Variants in SETX observed in about 807,000 individuals in gnomAD.
SETX encodes the protein senataxin, also known as helicase senataxin.
Under a neutral mutation model 227.2 loss-of-function variants are expected in SETX, and 90 were observed. That is an observed-to-expected ratio of 0.40 (90% confidence interval 0.33 to 0.47). The LOEUF (loss-of-function observed/expected upper bound fraction) is 0.47. Among genes scored for constraint, SETX ranks in the 20% least tolerant of loss-of-function variants. SETX has a pLI of 0.91. For synonymous variants in SETX, 1,210 were observed against 1,113.2 expected (o/e 1.09, Z -1.73); for missense variants, 3,052 against 3,181.5 (o/e 0.96, Z 0.98).
chr9:132,265,011 A>G (rs776044995), intron 25 of SETX, 26 bp from the exon 26 acceptor site: 2 of 1,610,040 alleles, frequency 1.2e-6, no homozygotes, highest in African/African-American at 2.7e-5. Flanking sequence ...AGGGAGAAAT[A>G]ATTACACCCC....
Position 132,328,060 on chromosome 9 carries a change from CAGA to C in SETX, c.3535_3537del (p.Ser1179del), listed in dbSNP as rs1364763518. On this transcript the variant is annotated inframe_deletion, in exon 10 of 26. Coordinates refer to ENST00000224140, the MANE Select transcript of SETX (RefSeq NM_015046.7). ...GTATCAGACTGGCCCTCATTTCTGACAGAAGATGAAGGCCTCACAGGATCTTCA... is the reference window on the plus strand; with the variant it reads ...GTATCAGACTGGCCCTCATTTCTGACAGATGAAGGCCTCACAGGATCTTCA... 7 of 1,614,172 alleles carry C rather than the reference CAGA, an allele frequency of 4.3e-6. No homozygotes were observed. The highest frequency in any genetic ancestry group is 5.9e-6 in the Non-Finnish European group (7 of 1,180,024).
At chr9:132,282,756 T>G (rs941720062) in intron 19 of SETX, 8 of 163,796 alleles carry the variant, frequency 4.9e-5, no homozygotes, top group Non-Finnish European at 8.1e-5. Flanking sequence ...TCATTTCCAC[T>G]TTTTGTCCTT....
At position 132,301,111 on chromosome 9, in the gene SETX, G is replaced by A. The variant is rs1047519248; in HGVS notation, c.5375-308C>T. Among the ~76,000 whole-genome samples, 3 of 33,412 alleles carry A rather than the reference G, an allele frequency of 9.0e-5. No homozygotes were observed. In the East Asian group the frequency reaches 1.2e-3, roughly 13 times the overall value. 21.9% of individuals were successfully genotyped at this position (33,412 alleles called of 152,430 possible). Reference sequence around the variant, plus strand: ...TGCTTTTTTTTTTTTTTTTTTTTTTGAGATGGAGTCTCGCTGTGTTGCCCA... The same window carrying A: ...TGCTTTTTTTTTTTTTTTTTTTTTTAAGATGGAGTCTCGCTGTGTTGCCCA... On this transcript the variant is annotated intron_variant, in intron 11 of 25. Transcript: ENST00000224140.
In SETX at chr9:132,327,422, A is replaced by ATCAGATTCTGG; in HGVS notation, c.4165_4175dup (p.Arg1393GlnfsTer25). On this transcript the variant is annotated frameshift_variant, in exon 10 of 26. Transcript: ENST00000224140. LOFTEE classifies it high-confidence loss of function. Reference sequence around the variant, plus strand: ...CTCCTGTACAATTATAATCTGACCTATCAGATTCTGGTACAAATATGTCAG... The same window carrying ATCAGATTCTGG: ...CTCCTGTACAATTATAATCTGACCTATCAGATTCTGGTCAGATTCTGGTACAAATATGTCAG... The ATCAGATTCTGG allele has an allele frequency of 6.2e-7, 1 of 1,614,002 alleles. No homozygotes were observed. The highest frequency in any genetic ancestry group is 8.5e-7 in the Non-Finnish European group (1 of 1,179,874).
chr9:132,300,870 AAAAG>A (rs1739612588), intron 11 of SETX, 67 bp from the exon 12 acceptor site: 2 of 1,403,738 alleles, frequency 1.4e-6, no homozygotes, highest in Non-Finnish European at 9.7e-7. Flanking sequence ...AGATTAACTT[AAAAG>A]AAATTAAATC....
chr9:132,323,405 G>A (rs538834478), intron 10 of SETX, among the ~76,000 whole-genome samples: 1 of 152,270 alleles, frequency 6.6e-6, no homozygotes, highest in South Asian at 2.1e-4. Flanking sequence ...CATACTACAT[G>A]GCTTAGCTGA....
In SETX at chr9:132,281,529, G is replaced by A. The variant is rs757266463; in HGVS notation, c.6592C>T (p.Arg2198Cys). Residue 2198 changes from arginine to cysteine, a missense_variant, in exon 20 of 26, where the codon CGC becomes TGC. Transcript: ENST00000224140. Reference sequence around the variant, plus strand: ...CCTACTAGGATGAGCTTATTGCAGCGATGGATGAGTGGAGTAAGAGTCTCA... The same window carrying A: ...CCTACTAGGATGAGCTTATTGCAGCAATGGATGAGTGGAGTAAGAGTCTCA... ...EIETLTPLIH[R>C]CNKLILVGDP... 3.1e-6 allele frequency: 5 copies of A among 1,613,940 alleles called. No individual in the cohort carries two copies. In the South Asian group the frequency reaches 3.3e-5, roughly 11 times the overall value.
intron 10 of SETX, among the ~76,000 whole-genome samples, chr9:132,320,314 G>C (rs1263276379): frequency 6.6e-6 from 1 of 152,202 alleles, no homozygotes; most frequent in Admixed American, 6.5e-5. Context: ...AGTGGCTCAC[G>C]CCTGTAATCC....
chr9:132,270,497 G>T (rs1463375965), intron 24 of SETX, among the ~76,000 whole-genome samples: 1 of 152,258 alleles, frequency 6.6e-6, no homozygotes, highest in African/African-American at 2.4e-5. Context: ...CACTCCTCTA[G>T]AAGTCACAGT....
chr9:132,297,662 T>G (rs1455419690), intron 13 of SETX, among the ~76,000 whole-genome samples: 1 of 152,226 alleles, frequency 6.6e-6, no homozygotes, highest in Non-Finnish European at 1.5e-5. Flanking sequence ...AATAGTTAGT[T>G]TCCTTTTGCA....
intron 15 of SETX, among the ~76,000 whole-genome samples, chr9:132,293,595 T>C (rs764029862): frequency 1.9e-4 from 29 of 152,106 alleles, no homozygotes; most frequent in Non-Finnish European, 4.0e-4. Context: ...CTAATTTGTA[T>C]TTTTAGTAGG....
chr9:132,289,675 C>T (rs1844170003), intron 15 of SETX, among the ~76,000 whole-genome samples: 1 of 152,142 alleles, frequency 6.6e-6, no homozygotes, highest in African/African-American at 2.4e-5. Flanking sequence ...TTGCAGAATA[C>T]TCAGAATAAA....
At chr9:132,332,957 G>GT (rs1252381984) in intron 7 of SETX, among the ~76,000 whole-genome samples, 3 of 151,426 alleles carry the variant, frequency 2.0e-5, no homozygotes, top group African/African-American at 7.3e-5. Context: ...TTTTAAGATG[G>GT]TTAAGGGAGC....
intron 10 of SETX, among the ~76,000 whole-genome samples, chr9:132,319,220 TCCC>T (rs1272269817): frequency 6.6e-5 from 10 of 152,102 alleles, no homozygotes; most frequent in Non-Finnish European, 1.3e-4. Context: ...TTTCTACAGC[TCCC>T]ACCCAAATCA....
intron 5 of SETX, among the ~76,000 whole-genome samples, chr9:132,337,484 A>G (rs886710766): frequency 1.3e-5 from 2 of 152,134 alleles, no homozygotes; most frequent in East Asian, 3.9e-4. Flanking sequence ...CATCCTTCAT[A>G]GTAAAAGTAT....
At position 132,331,111 on chromosome 9, in the gene SETX, C is replaced by T; in HGVS notation, c.1039G>A (p.Asp347Asn). ...ATCTGGCTGCAAGTCACCATATCAT[C>T]CAAATAGGACTCCGGTTCTAACTTG... ...RTKLEPESYL[D>N]DMVTCSQIVY... The change falls in exon 9 of 26, where the codon GAT becomes AAT. Residue 347 changes from aspartate to asparagine, a missense_variant. Coordinates refer to ENST00000224140, the MANE Select transcript of SETX (RefSeq NM_015046.7). The T allele has an allele frequency of 6.2e-7, 1 of 1,613,534 alleles. No individual in the cohort carries two copies. The highest frequency in any genetic ancestry group is 2.2e-5 in the East Asian group (1 of 44,866).
At chr9:132,314,017 C>T (rs746515932) in intron 10 of SETX, among the ~76,000 whole-genome samples, 10 of 152,004 alleles carry the variant, frequency 6.6e-5, no homozygotes, top group Non-Finnish European at 1.3e-4. Context: ...CTGCAACCTC[C>T]GCCTCGTGGG....
chr9:132,296,034 A>G lies in SETX; in HGVS notation c.5950-6T>C, dbSNP rs1417112636. Reference sequence around the variant, plus strand: ...GAATGCCCCTTCCTCTGGTTCTACAATTTGCCACATATACATACCAAACAA... The same window carrying G: ...GAATGCCCCTTCCTCTGGTTCTACAGTTTGCCACATATACATACCAAACAA... On this transcript the variant is annotated splice_region_variant and splice_polypyrimidine_tract_variant and intron_variant, in intron 14 of 25. Coordinates refer to ENST00000224140, the MANE Select transcript of SETX (RefSeq NM_015046.7). The G allele has an allele frequency of 6.2e-7, 1 of 1,614,190 alleles. No individual in the cohort carries two copies. The highest frequency in any genetic ancestry group is 1.1e-5 in the South Asian group (1 of 91,084).
chr9:132,335,261 G>C (rs1473760554), intron 6 of SETX, among the ~76,000 whole-genome samples: 2 of 151,400 alleles, frequency 1.3e-5, no homozygotes, highest in Admixed American at 6.6e-5. Flanking sequence ...CGTGGTGGCA[G>C]GCGCCTGTGG....
Sources: gnomAD v4.1 joint callset for allele counts (sites outside exome capture counted in the v4.1 genomes callset) on GRCh38, gnomAD v4.1.1 for gene constraint, MANE v1.5 for transcripts, NCBI Gene and HGNC (gene_info 2026-07-23, HGNC 2026-07-21) for gene names.